The following ATP8B1 variants were observed in gnomAD, a reference collection of about 807,000 sequenced individuals.
ATP8B1 encodes the protein ATPase phospholipid transporting 8B1.
Under a neutral mutation model 149.9 loss-of-function variants are expected in ATP8B1, and 80 were observed. The ratio of observed to expected loss-of-function variants is 0.53; its 90% CI spans 0.45 to 0.64. The LOEUF is 0.64. ATP8B1 is among the 30% of genes least tolerant of loss of function. ATP8B1 has a pLI of 0.00. For missense variants in ATP8B1, 1,247 were observed against 1,552.6 expected (o/e 0.80, Z 3.31); for synonymous variants, 536 against 562.8 (o/e 0.95, Z 0.67).
intron 1 of ATP8B1, among the ~76,000 whole-genome samples, chr18:57,778,525 C>T (rs1176942634): frequency 1.3e-5 from 2 of 152,164 alleles, no homozygotes; most frequent in Admixed American, 6.5e-5. Flanking sequence ...CCACCGCGCC[C>T]GGCCTATAAT....
At chr18:57,697,768 C>G (rs757921621) in intron 7 of ATP8B1, 27 bp downstream of exon 7, 3 of 1,612,608 alleles carry the variant, frequency 1.9e-6, no homozygotes, top group Admixed American at 1.7e-5. Context: ...GAACAAGGAA[C>G]AAGAGAAGCA....
chr18:57,730,802 C>CATATATAT (rs927338067), intron 2 of ATP8B1, among the ~76,000 whole-genome samples: 85 of 11,030 alleles, frequency 7.7e-3, no homozygotes, highest in African/African-American at 0.016. Context: ...AGACCATATA[C>CATATATAT]ATATATATAT....
At chr18:57,794,289 C>G (rs944627956) in intron 1 of ATP8B1, among the ~76,000 whole-genome samples, 1 of 151,914 alleles carries the variant, frequency 6.6e-6, no homozygotes, top group Non-Finnish European at 1.5e-5. Flanking sequence ...ATTAAGGTGT[C>G]TTTAACAGAC....
intron 2 of ATP8B1, among the ~76,000 whole-genome samples, chr18:57,713,212 C>T (rs201195490): frequency 0.039 from 3,179 of 82,392 alleles, 56 homozygotes; most frequent in South Asian, 0.066. Context: ...TCCTTCCTTC[C>T]TTCCTTCCTT....
intron 2 of ATP8B1, among the ~76,000 whole-genome samples, chr18:57,713,463 A>G (rs892004854): frequency 5.4e-5 from 8 of 147,702 alleles, no homozygotes; most frequent in African/African-American, 2.1e-4. Flanking sequence ...TGCCCAGCTA[A>G]TTTTTAAAAA....
At chr18:57,669,602 T>A in intron 17 of ATP8B1, 120 bp from the exon 18 acceptor site, 1 of 951,306 alleles carries the variant, frequency 1.1e-6, no homozygotes, top group Non-Finnish European at 1.6e-6. Flanking sequence ...AAGAGATCAT[T>A]AAACATGACA....
intron 27 of ATP8B1, among the ~76,000 whole-genome samples, chr18:57,649,011 CCTCAGCCTCCTGA>C (rs1375048876): frequency 1.3e-5 from 2 of 152,142 alleles, no homozygotes; most frequent in Non-Finnish European, 2.9e-5. Flanking sequence ...GATCCTCCTG[CCTCAGCCTCCTGA>C]GTAACTGGGG....
intron 16 of ATP8B1, 57 bp downstream of exon 16, chr18:57,674,777 T>C (rs922608791): frequency 8.2e-6 from 13 of 1,582,054 alleles, no homozygotes; most frequent in South Asian, 5.6e-5. Flanking sequence ...CTCAATACAA[T>C]GGGCACAAGC....
At chr18:57,708,157 CAAAAAAAAA>C (rs36027330) in intron 2 of ATP8B1, among the ~76,000 whole-genome samples, 6 of 67,076 alleles carry the variant, frequency 8.9e-5, no homozygotes, top group African/African-American at 3.4e-4. Context: ...AACTCTGTCT[CAAAAAAAAA>C]AAAAAAAAAA....
intron 17 of ATP8B1, 106 bp from the exon 18 acceptor site, chr18:57,669,588 TAAA>T: frequency 9.8e-7 from 1 of 1,025,420 alleles, no homozygotes. Flanking sequence ...TAACAGAATT[TAAA>T]AAGAGATCAT....
chr18:57,717,622 G>A (rs1453054182), intron 2 of ATP8B1, among the ~76,000 whole-genome samples: 1 of 134,334 alleles, frequency 7.4e-6, no homozygotes. Context: ...CAAACCCAAA[G>A]TTACTAGAAG....
At chr18:57,669,572 A>T in intron 17 of ATP8B1, 90 bp from the exon 18 acceptor site, 3 of 1,173,884 alleles carry the variant, frequency 2.6e-6, no homozygotes, top group Non-Finnish European at 3.7e-6. Context: ...CTTTGAAGTA[A>T]TATACTAACA....
At position 57,661,229 on chromosome 18, in the gene ATP8B1, C is replaced by T. The variant is rs754154585; in HGVS notation, c.2652G>A (p.Lys884=). Residue 884 remains lysine (K), a synonymous_variant, in exon 22 of 28, where the codon AAG becomes AAA. Transcript: ENST00000648908. ...AMVVDLVKRY[K]KAITLAIGDG... is the part of the protein sequence containing the mutation. ...CTCCGATGGCCAGCGTGATGGCTTT[C>T]TTGTACCTCTTCACCAGGTCCACCA... 1 of 1,614,088 alleles carries T rather than the reference C, an allele frequency of 6.2e-7. No homozygotes were observed. Among genetic ancestry groups the T allele is most frequent in the South Asian group, 1.1e-5 (1 of 91,086 alleles).
intron 21 of ATP8B1, among the ~76,000 whole-genome samples, chr18:57,661,861 T>C (rs1341580467): frequency 6.6e-6 from 1 of 151,524 alleles, no homozygotes; most frequent in Non-Finnish European, 1.5e-5. Context: ...ACTACAGGTG[T>C]GCACCACCAC....
intron 1 of ATP8B1, among the ~76,000 whole-genome samples, chr18:57,761,242 GTGT>G (rs534137212): frequency 9.4e-4 from 143 of 152,248 alleles, no homozygotes; most frequent in Middle Eastern, 3.4e-3. Context: ...CACCCAGACT[GTGT>G]TGTTGTTGCT....
At chr18:57,667,060 T>TA in intron 20 of ATP8B1, 32 bp downstream of exon 20, 1 of 1,553,936 alleles carries the variant, frequency 6.4e-7, no homozygotes, top group Admixed American at 1.7e-5. Context: ...GATGAGCTAT[T>TA]ACGTAATTTC....
chr18:57,791,473 C>T (rs531807574), intron 1 of ATP8B1, among the ~76,000 whole-genome samples: 2 of 150,954 alleles, frequency 1.3e-5, no homozygotes, highest in Admixed American at 6.6e-5. Flanking sequence ...GTCATAGCCT[C>T]CCGAGTAGCT....
At chr18:57,698,583 C>T (rs539160602) in intron 6 of ATP8B1, among the ~76,000 whole-genome samples, 2 of 152,210 alleles carry the variant, frequency 1.3e-5, no homozygotes, top group Non-Finnish European at 2.9e-5. Flanking sequence ...GATCCACCCA[C>T]CTCGGCCTCC....
At chr18:57,801,051 C>CA (rs2080568162) in intron 1 of ATP8B1, among the ~76,000 whole-genome samples, 1 of 152,014 alleles carries the variant, frequency 6.6e-6, no homozygotes, top group Non-Finnish European at 1.5e-5. Flanking sequence ...TTCTATTGAA[C>CA]AAAAAACAAA....
Sources: gnomAD v4.1 joint callset for allele counts (sites outside exome capture counted in the v4.1 genomes callset) on GRCh38, gnomAD v4.1.1 for gene constraint, MANE v1.5 for transcripts, NCBI Gene and HGNC (gene_info 2026-07-23, HGNC 2026-07-21) for gene names.